Variants in WDR31 observed in about 807,000 individuals in gnomAD.
WDR31 encodes WD repeat-containing protein 31.
A neutral mutation model predicts 47.3 loss-of-function variants in WDR31; 30 were observed. That is an observed-to-expected ratio of 0.63 (90% confidence interval 0.47 to 0.86). The LOEUF is 0.86. Among genes scored for constraint, WDR31 ranks in the 40% least tolerant of loss-of-function variants. WDR31 has a pLI of 0.00. For synonymous variants in WDR31, 137 were observed against 159.4 expected, an observed-to-expected ratio of 0.86 and a Z score of 1.06; for missense variants, 406 against 442.9, an observed-to-expected ratio of 0.92 and a Z score of 0.75.
chr9:113,332,717 A>G (rs1473409981), intron 2 of WDR31, among the ~76,000 whole-genome samples: 2 of 151,950 alleles, frequency 1.3e-5, no homozygotes, highest in Admixed American at 6.5e-5. Context: ...TAGGCTAGAT[A>G]TAGTTTGGAT....
In WDR31 at chr9:113,318,502, C is replaced by G. The variant is rs1274934582; in HGVS notation, c.916G>C (p.Val306Leu). The change falls in exon 10 of 11, where the codon GTG (valine) becomes CTG (leucine). Residue 306 changes from valine to leucine, a missense_variant. Physicochemically the swap from Val to Leu is conservative, Grantham distance 32. Transcript: ENST00000374193. ...LIATSSHDCK[V>L]KIWNQDTGAC... ...CCAGTATCTTGGTTCCAAATCTTCA[C>G]CTTGCAATCATGTGATGAGGTAGCA... The G allele has an allele frequency of 6.2e-7, 1 of 1,614,212 alleles. No homozygotes were observed. Among genetic ancestry groups the G allele is most frequent in the Non-Finnish European group, 8.5e-7 (1 of 1,180,028 alleles).
In WDR31 at chr9:113,334,297, T is replaced by C. The variant is rs183256947; in HGVS notation, c.-29+1991A>G. Among the ~76,000 whole-genome samples, 14 of 152,330 alleles carry C rather than the reference T, an allele frequency of 9.2e-5. No individual in the cohort carries two copies. In the East Asian group the frequency reaches 1.3e-3, roughly 15 times the overall value. ...CCTCAACATAAACAATAGATTATAA[T>C]AGACTGAATGCAGAAGCAGATATCA... On this transcript the variant is annotated intron_variant, in intron 2 of 10. Coordinates refer to ENST00000374193, the MANE Select transcript of WDR31 (RefSeq NM_001012361.4).
Position 113,316,770 on chromosome 9 carries a change from C to T in WDR31, c.1083G>A (p.Leu361=). The change falls in exon 11 of 11, where the codon CTG becomes CTA. Residue 361 remains leucine (L), a synonymous_variant. Transcript: ENST00000374193. ...GGCCTCAGAATGCTGCCACTTCCTGCAGTTCCAGCCCTTGGCTGTGGTCCA... is the reference window on the plus strand; with the variant it reads ...GGCCTCAGAATGCTGCCACTTCCTGTAGTTCCAGCCCTTGGCTGTGGTCCA... ...LRMDHSQGLE[L]QEVAAF 1 of 1,613,922 alleles carries T rather than the reference C, an allele frequency of 6.2e-7. No homozygotes were observed. Among genetic ancestry groups the T allele is most frequent in the Non-Finnish European group, 8.5e-7 (1 of 1,179,904 alleles).
chr9:113,329,811 TA>T (rs1833554983), intron 4 of WDR31, among the ~76,000 whole-genome samples: 2 of 150,454 alleles, frequency 1.3e-5, no homozygotes, highest in Admixed American at 6.7e-5. Context: ...CCATCTCTAC[TA>T]AAAAAAATAA....
intron 4 of WDR31, 132 bp from the exon 5 acceptor site, chr9:113,329,087 C>T (rs79611441): frequency 1.1e-5 from 9 of 797,632 alleles, no homozygotes; most frequent in African/African-American, 5.1e-5. Context: ...TCAAAGCATT[C>T]GGGGTTCCCT....
At chr9:113,339,095 G>T (rs1445981414) in intron 1 of WDR31, among the ~76,000 whole-genome samples, 1 of 152,186 alleles carries the variant, frequency 6.6e-6, no homozygotes, top group African/African-American at 2.4e-5. Flanking sequence ...GTTGGTTCCA[G>T]TTGGAACCAG....
Position 113,316,654 on chromosome 9 carries a change from C to G in WDR31, c.*95G>C. ...TGAACCTAAGCAAAGAATACCAGCC[C>G]TACATCCCACTCCCCTCAAGATAAC... On this transcript the variant is annotated 3_prime_UTR_variant, in exon 11 of 11. Transcript: ENST00000374193. The G allele has an allele frequency of 4.2e-6, 6 of 1,445,498 alleles. No individual in the cohort carries two copies. Among genetic ancestry groups the G allele is most frequent in the Non-Finnish European group, 5.6e-6 (6 of 1,074,042 alleles). 89.5% of individuals were successfully genotyped at this position (1,445,498 alleles called of 1,614,324 possible).
chr9:113,320,854 A>G (rs1833312353), intron 8 of WDR31, among the ~76,000 whole-genome samples: 2 of 152,232 alleles, frequency 1.3e-5, no homozygotes, highest in Non-Finnish European at 2.9e-5. Flanking sequence ...TTAAAAAGAT[A>G]CTTATTATGA....
intron 1 of WDR31, among the ~76,000 whole-genome samples, chr9:113,338,702 T>C (rs1156499908): frequency 1.3e-5 from 2 of 149,856 alleles, no homozygotes; most frequent in Non-Finnish European, 3.0e-5. Flanking sequence ...CATCACAACC[T>C]CCACCTCCCA....
chr9:113,316,964 G>A, intron 10 of WDR31, 55 bp from the exon 11 acceptor site: 1 of 1,573,178 alleles, frequency 6.4e-7, no homozygotes, highest in East Asian at 2.2e-5. Flanking sequence ...ATCATGAAAT[G>A]TGATGTCTTC....
intron 2 of WDR31, among the ~76,000 whole-genome samples, chr9:113,334,947 G>A (rs75284673): frequency 0.021 from 3,252 of 152,096 alleles, 42 homozygotes; most frequent in Middle Eastern, 0.031. Flanking sequence ...AGCAGGATTC[G>A]AACTCAATCT....
At chr9:113,332,142 G>T in intron 2 of WDR31, 92 bp from the exon 3 acceptor site, 1 of 889,968 alleles carries the variant, frequency 1.1e-6, no homozygotes, top group Non-Finnish European at 1.7e-6. Flanking sequence ...CTAATTAATT[G>T]TATGCTTTTG....
Position 113,320,442 on chromosome 9 carries a change from A to G in WDR31, c.695T>C (p.Ile232Thr). The change falls in exon 9 of 11, where the codon ATT (isoleucine) becomes ACT (threonine). Residue 232 changes from isoleucine to threonine, a missense_variant. By Grantham distance (89) the Ile-to-Thr change is moderately conservative (BLOSUM62 -1). Coordinates refer to ENST00000374193, the MANE Select transcript of WDR31 (RefSeq NM_001012361.4). ...VAHMFPAKQH[I>T]QTYCEVSVDG... ...CACACTGACTTCACAGTAGGTCTGA[A>G]TGTGCTGCTTTGCAGGAAACATATG... The G allele has an allele frequency of 6.2e-7, 1 of 1,614,224 alleles. No individual in the cohort carries two copies. Among genetic ancestry groups the G allele is most frequent in the South Asian group, 1.1e-5 (1 of 91,082 alleles).
intron 1 of WDR31, among the ~76,000 whole-genome samples, chr9:113,337,897 C>T (rs1833751290): frequency 6.6e-6 from 1 of 152,180 alleles, no homozygotes; most frequent in Non-Finnish European, 1.5e-5. Flanking sequence ...GATACTCAAC[C>T]TGTATGGCCA....
At chr9:113,326,675 T>C (rs1181078308) in intron 5 of WDR31, among the ~76,000 whole-genome samples, 1 of 152,220 alleles carries the variant, frequency 6.6e-6, no homozygotes, top group Non-Finnish European at 1.5e-5. Flanking sequence ...GGTCTTGCTA[T>C]GTTGCCCAGG....
At position 113,324,826 on chromosome 9, in the gene WDR31, ATATGTGTGTGTGTGTGTG is replaced by A. The variant is rs1183209419; in HGVS notation, c.325-1689_325-1672del. Among the ~76,000 whole-genome samples, 218 of 109,372 alleles carry A rather than the reference ATATGTGTGTGTGTGTGTG, an allele frequency of 2.0e-3. 2 individuals are homozygous for A. Among genetic ancestry groups the A allele is most frequent in the South Asian group, 7.7e-3 (22 of 2,854 alleles). 71.8% of individuals were successfully genotyped at this position (109,372 alleles called of 152,430 possible). On this transcript the variant is annotated intron_variant, in intron 5 of 10. Coordinates refer to ENST00000374193, the MANE Select transcript of WDR31 (RefSeq NM_001012361.4). ...TTATAAACAATGCTGCTATATATAT[ATATGTGTGTGTGTGTGTG>A]TGTGTGTGTGTGTGTGTGTGTGTGT...
chr9:113,336,611 A>T (rs1340592971), intron 1 of WDR31, among the ~76,000 whole-genome samples, 171 bp from the exon 2 acceptor site: 2 of 152,244 alleles, frequency 1.3e-5, no homozygotes, highest in Non-Finnish European at 2.9e-5. Flanking sequence ...CTATTTTTAA[A>T]TATGCAAAAT....
chr9:113,313,627 T>A lies in WDR31; in HGVS notation c.*3122A>T, dbSNP rs1833123658. On this transcript the variant is annotated 3_prime_UTR_variant, in exon 11 of 11. Transcript: ENST00000374193. ...ATTCATACCTCAGCTCTTCTTAATATGTGTGTGACTTTGGGCAAAGTACTG... is the reference window on the plus strand; with the variant it reads ...ATTCATACCTCAGCTCTTCTTAATAAGTGTGTGACTTTGGGCAAAGTACTG... The A allele has an allele frequency of 6.6e-6, 1 of 152,246 alleles. No homozygotes were observed. The allele number at this position is 152,246 out of a possible 1,614,324, so 9.4% of individuals were successfully genotyped here.
intron 3 of WDR31, 54 bp from the exon 4 acceptor site, chr9:113,331,170 G>T: frequency 7.9e-7 from 1 of 1,270,590 alleles, no homozygotes; most frequent in Non-Finnish European, 1.1e-6. Context: ...GGATGGGGGT[G>T]GGGTGGGGTG....
Sources: gnomAD v4.1 joint callset for allele counts (sites outside exome capture counted in the v4.1 genomes callset) on GRCh38, gnomAD v4.1.1 for gene constraint, MANE v1.5 for transcripts, NCBI Gene and HGNC (gene_info 2026-07-23, HGNC 2026-07-21) for gene names.